Variants in WDFY4 observed in about 807,000 individuals in gnomAD.
WDFY4 encodes the protein WD repeat- and FYVE domain-containing protein 4.
Under a neutral mutation model 351.9 loss-of-function variants are expected in WDFY4, and 169 were observed. That is an observed-to-expected ratio of 0.48 (90% CI 0.42 to 0.55). The LOEUF is 0.55. Ranked by LOEUF, WDFY4 falls within the 20% of genes least tolerant of loss-of-function variation. The probability of loss-of-function intolerance (pLI) is 0.00; values close to 1 mark genes in which losing one functional copy is unlikely to be tolerated. For synonymous variants in WDFY4, 1,622 were observed against 1,574.6 expected (o/e 1.03, Z -0.71); for missense variants, 3,803 against 3,935.6 (o/e 0.97, Z 0.90).
chr10:48,899,673 A>AG (rs1462938628), intron 45 of WDFY4, among the ~76,000 whole-genome samples: 2 of 152,066 alleles, frequency 1.3e-5, no homozygotes, highest in Non-Finnish European at 2.9e-5. Context: ...CAAGGGTGGG[A>AG]GAAAAAAAAA....
At chr10:48,878,315 G>T (rs1348098438) in intron 43 of WDFY4, among the ~76,000 whole-genome samples, 1 of 152,104 alleles carries the variant, frequency 6.6e-6, no homozygotes, top group Non-Finnish European at 1.5e-5. Flanking sequence ...GGCTAGTCTG[G>T]CCCCAGGGTG....
intron 47 of WDFY4, among the ~76,000 whole-genome samples, chr10:48,918,419 T>C (rs1838746390): frequency 6.6e-6 from 1 of 152,196 alleles, no homozygotes; most frequent in Non-Finnish European, 1.5e-5. Context: ...AGGAAGGATG[T>C]AGTGACTTTA....
intron 35 of WDFY4, 59 bp downstream of exon 35, chr10:48,822,596 T>C: frequency 7.2e-7 from 1 of 1,395,802 alleles, no homozygotes; most frequent in Non-Finnish European, 9.4e-7. Context: ...CTCCTGGCTA[T>C]TGTCCAGTTG....
chr10:48,946,007 G>A, intron 49 of WDFY4, 33 bp from the exon 50 acceptor site: 1 of 1,452,700 alleles, frequency 6.9e-7, no homozygotes, highest in Non-Finnish European at 9.3e-7. Context: ...GCGGGTCTGG[G>A]GAGTTAACTC....
intron 13 of WDFY4, among the ~76,000 whole-genome samples, chr10:48,768,701 TGTTGTG>T (rs2065756863): frequency 7.8e-6 from 1 of 128,806 alleles, no homozygotes; most frequent in South Asian, 2.8e-4. Context: ...CCACCCACGG[TGTTGTG>T]GGGGTGGGAG....
intron 39 of WDFY4, among the ~76,000 whole-genome samples, chr10:48,845,366 C>T (rs2068741226): frequency 6.6e-6 from 1 of 152,206 alleles, no homozygotes; most frequent in Non-Finnish European, 1.5e-5. Context: ...GTTCCAGGCC[C>T]TTGGGTTAAG....
rs1294242487 is a variant in WDFY4, at chr10:48,890,623, G to A, written c.7212G>A (p.Val2404=). 2 of 1,551,720 alleles carry A rather than the reference G, an allele frequency of 1.3e-6. No homozygotes were observed. The highest frequency in any genetic ancestry group is 1.7e-6 in the Non-Finnish European group (2 of 1,146,992). Residue 2404 remains valine, a synonymous_variant, in exon 44 of 62, where the codon GTG becomes GTA. Transcript: ENST00000325239. ...FSLVIVQGHL[V]SEGVLLFGHQ... is the part of the protein sequence containing the mutation. ...TGGTGATTGTGCAGGGCCACCTGGTGTCAGAAGGGGTCCTGCTTTTTGGCC... is the reference window on the plus strand; with the variant it reads ...TGGTGATTGTGCAGGGCCACCTGGTATCAGAAGGGGTCCTGCTTTTTGGCC...
intron 12 of WDFY4, among the ~76,000 whole-genome samples, chr10:48,757,766 CT>C (rs1003836582): frequency 6.7e-5 from 10 of 149,650 alleles, no homozygotes; most frequent in African/African-American, 1.2e-4. Context: ...TTTGTCTCTC[CT>C]TTTTTTTTAG....
rs1267890096 is a variant in WDFY4, at chr10:48,743,316, G to T, written c.2227G>T (p.Ala743Ser). The T allele has an allele frequency of 6.4e-6, 10 of 1,551,652 alleles. No homozygotes were observed. Among genetic ancestry groups the T allele is most frequent in the South Asian group, 3.6e-5 (3 of 84,058 alleles). ...GGTGGACACAAAGGCCAGGCCATTT[G>T]CAGATTTGCTGGGCACTGCCTTTTC... ...SWVDTKARPF[A>S]DLLGTAFSSS... is the part of the protein sequence containing the mutation. The change falls in exon 12 of 62, where the codon GCA becomes TCA. Residue 743 changes from alanine to serine, a missense_variant. Ala to Ser is a moderately conservative substitution (Grantham distance 99). Coordinates refer to ENST00000325239, the MANE Select transcript of WDFY4 (RefSeq NM_001394531.1).
chr10:48,787,900 CTTCTTCTTCTTCTT>C (rs2066502454), intron 20 of WDFY4, among the ~76,000 whole-genome samples: 2 of 27,216 alleles, frequency 7.3e-5, no homozygotes, highest in Non-Finnish European at 1.4e-4. Flanking sequence ...TCTCCTTCTT[CTTCTTCTTCTTCTT>C]CTTCTTCTTC....
At chr10:48,727,698 A>C in intron 7 of WDFY4, 39 bp downstream of exon 7, 1 of 1,546,452 alleles carries the variant, frequency 6.5e-7, no homozygotes, top group Non-Finnish European at 8.7e-7. Context: ...GCACAGGACC[A>C]CCAAAGCCTT....
chr10:48,943,803 C>T (rs766352492), intron 49 of WDFY4, among the ~76,000 whole-genome samples: 10 of 152,156 alleles, frequency 6.6e-5, no homozygotes, highest in Non-Finnish European at 1.3e-4. Flanking sequence ...CCATGTTGGC[C>T]AGGCTGGTCT....
chr10:48,860,386 T>C (rs1188121069), intron 39 of WDFY4, among the ~76,000 whole-genome samples: 1 of 152,202 alleles, frequency 6.6e-6, no homozygotes. Flanking sequence ...ATTGTCTCCC[T>C]GGTGAAGGCT....
At chr10:48,787,807 CTCTTCTTCT>C (rs1555010319) in intron 20 of WDFY4, among the ~76,000 whole-genome samples, 884 of 76,778 alleles carry the variant, frequency 0.012, 66 homozygotes, top group Middle Eastern at 0.014. Flanking sequence ...CCTCCTCCTC[CTCTTCTTCT>C]TCTTCTTCTT....
chr10:48,835,991 G>A (rs1426744924), intron 39 of WDFY4, among the ~76,000 whole-genome samples: 2 of 152,210 alleles, frequency 1.3e-5, no homozygotes, highest in African/African-American at 4.8e-5. Flanking sequence ...CAAGGGGATA[G>A]ATGCTCCCCC....
intron 12 of WDFY4, among the ~76,000 whole-genome samples, chr10:48,752,683 C>G (rs2065218743): frequency 1.3e-5 from 2 of 152,192 alleles, no homozygotes; most frequent in South Asian, 4.1e-4. Context: ...TTTTGAGATT[C>G]ATTTACATTG....
At chr10:48,838,063 T>A (rs571593220) in intron 39 of WDFY4, among the ~76,000 whole-genome samples, 2 of 152,268 alleles carry the variant, frequency 1.3e-5, no homozygotes, top group African/African-American at 4.8e-5. Context: ...ATTAGCAAAC[T>A]GAAATGGCCC....
intron 39 of WDFY4, among the ~76,000 whole-genome samples, chr10:48,852,102 A>C (rs534248582): frequency 6.6e-6 from 1 of 152,366 alleles, no homozygotes; most frequent in South Asian, 2.1e-4. Flanking sequence ...CTGTCTAGGC[A>C]GATGGGCCTC....
rs1841078737 is a variant in WDFY4 at position 48,947,000 on chromosome 10, A to ACG, written c.7977+32_7977+33insGC. 3.7e-6 allele frequency: 5 copies of ACG among 1,349,642 alleles called. No homozygotes were observed. In the South Asian group the frequency reaches 5.0e-5, roughly 14 times the overall value. 83.6% of individuals were successfully genotyped at this position (1,349,642 alleles called of 1,614,324 possible). A position where few individuals can be genotyped will look rare whatever the true frequency, so the allele number is the denominator to read the frequency against. On this transcript the variant is annotated intron_variant, in intron 51 of 61. Transcript: ENST00000325239. ...CTGCTGCCACTCTCTGTACACACAC[A>ACG]CACACACACACACACACACATACGC...
Sources: gnomAD v4.1 joint callset for allele counts (sites outside exome capture counted in the v4.1 genomes callset) on GRCh38, gnomAD v4.1.1 for gene constraint, MANE v1.5 for transcripts, NCBI Gene and HGNC (gene_info 2026-07-23, HGNC 2026-07-21) for gene names.